LYST: variants seen among roughly 807,000 people sequenced by gnomAD.
LYST encodes lysosomal trafficking regulator, also known as lysosomal-trafficking regulator.
LYST carries 192 observed loss-of-function variants against 413.6 expected under a neutral mutation model. That is an observed-to-expected ratio of 0.46 (90% confidence interval 0.41 to 0.52). LYST has a LOEUF of 0.52. Among genes scored for constraint, LYST ranks in the 20% least tolerant of loss-of-function variants. The probability of loss-of-function intolerance (pLI) is 0.00; values close to 1 mark genes in which losing one functional copy is unlikely to be tolerated. For synonymous variants in LYST, 1,525 were observed against 1,567.3 expected, an observed-to-expected ratio of 0.97 and a Z score of 0.64; for missense variants, 3,815 against 4,499.9, an observed-to-expected ratio of 0.85 and a Z score of 4.35.
At chr1:235,836,992 G>A (rs1228996691) in intron 1 of LYST, among the ~76,000 whole-genome samples, 1 of 152,192 alleles carries the variant, frequency 6.6e-6, no homozygotes, top group African/African-American at 2.4e-5. Context: ...CTAGACAGAT[G>A]AAATAACCCA....
chr1:235,770,353 G>A, intron 19 of LYST, 56 bp from the exon 20 acceptor site: 1 of 1,527,190 alleles, frequency 6.5e-7, no homozygotes, highest in Non-Finnish European at 9.1e-7. Context: ...TATGCAGCAT[G>A]CTTTTTGGAA....
chr1:235,788,146 AT>A (rs1395875723), intron 13 of LYST, among the ~76,000 whole-genome samples: 2 of 151,822 alleles, frequency 1.3e-5, no homozygotes, highest in East Asian at 3.9e-4. Context: ...TTACTCATTT[AT>A]TTTTTGTTTT....
Position 235,716,770 on chromosome 1 carries a change from G to C in LYST, c.9569C>G (p.Ser3190Cys). 1 of 1,577,366 alleles carries C rather than the reference G, an allele frequency of 6.3e-7. No homozygotes were observed. Among genetic ancestry groups the C allele is most frequent in the Non-Finnish European group, 8.7e-7 (1 of 1,147,014 alleles). ...TTTATACTGAACAGCTATAGGTTTA[G>C]AGAGATTTCTGCAAGAAAAGGACAA... ...LNDLLIYRNL[S>C]KPIAVQYKEK... is the part of the protein sequence containing the mutation. Residue 3190 changes from serine (S) to cysteine (C), a missense_variant, in exon 41 of 53, where the codon TCT becomes TGT. Physicochemically the swap from Ser to Cys is moderately radical, Grantham distance 112 (BLOSUM62 -1). Around this residue, in one of 4 missense-constraint regions of LYST, gnomAD observed 866 missense variants for 1,156.0 expected, o/e 0.75. Transcript: ENST00000389793.
At position 235,781,043 on chromosome 1, in the gene LYST, C is replaced by T. The variant is rs748955859; in HGVS notation, c.5036G>A (p.Gly1679Asp). The change falls in exon 16 of 53, where the codon GGT becomes GAT. Residue 1679 changes from glycine to aspartate, a missense_variant. This residue lies in a region of LYST where 530 missense variants were observed against 696.5 expected (regional missense o/e 0.76). Transcript: ENST00000389793. ...ATACAGATAAAAGGCCTCTTGTGAA[C>T]CAACCTTAGCTCCTGAATAGCAGAA... ...NLLLFNGAKVGSQEAFYLYAC... is the reference protein window; with the variant it reads ...NLLLFNGAKVDSQEAFYLYAC... 6.2e-7 allele frequency: 1 copy of T among 1,607,884 alleles called. No individual in the cohort carries two copies. Among genetic ancestry groups the T allele is most frequent in the Admixed American group, 1.7e-5 (1 of 59,876 alleles).
At chr1:235,786,403 G>A (rs1670418697) in intron 14 of LYST, among the ~76,000 whole-genome samples, 1 of 152,140 alleles carries the variant, frequency 6.6e-6, no homozygotes, top group African/African-American at 2.4e-5. Flanking sequence ...CAAACAACAG[G>A]TGCTGGAGAG....
At chr1:235,875,276 G>A (rs1007060888) in intron 1 of LYST, among the ~76,000 whole-genome samples, 1 of 152,112 alleles carries the variant, frequency 6.6e-6, no homozygotes, top group Non-Finnish European at 1.5e-5. Context: ...CACTGTAGCT[G>A]CATAGATCAC....
rs186948157 is a variant in LYST at position 235,880,986 on chromosome 1, C to T, written n.454+2201G>A. 2.0e-4 allele frequency among the ~76,000 whole-genome samples: 30 copies of T among 152,106 alleles called. 1 individual carries two copies. Among genetic ancestry groups the T allele is most frequent in the Admixed American group, 1.9e-3 (29 of 15,256 alleles). ...ACAAAAAATAAAAAAATTAGCCGGGCGTGGTGGAGGGTGCATGTAATCCCA... is the reference window on the plus strand; with the variant it reads ...ACAAAAAATAAAAAAATTAGCCGGGTGTGGTGGAGGGTGCATGTAATCCCA... On this transcript the variant is annotated intron_variant and non_coding_transcript_variant, in intron 1 of 11. Coordinates refer to the LYST transcript ENST00000465349.
At position 235,788,367 on chromosome 1, in the gene LYST, T is replaced by G. The variant is rs1023559055; in HGVS notation, c.4688+334A>C. ...GTTTTTTTGTTTTTATTTTTATTTT[T>G]TGTAGAGATTGGGTTTCACTATGTT... On this transcript the variant is annotated intron_variant, in intron 13 of 52. Transcript: ENST00000389793. 1.2e-4 allele frequency among the ~76,000 whole-genome samples: 18 copies of G among 152,040 alleles called. No individual in the cohort carries two copies. The East Asian group carries it at 3.3e-3, about 28-fold the overall frequency.
At chr1:235,769,469 T>C (rs1490920719) in intron 20 of LYST, among the ~76,000 whole-genome samples, 1 of 152,060 alleles carries the variant, frequency 6.6e-6, no homozygotes, top group Admixed American at 6.6e-5. Flanking sequence ...GCAAAGGCGC[T>C]CAAAATATAA....
chr1:235,770,103 A>G, intron 20 of LYST, 57 bp downstream of exon 20: 1 of 1,549,620 alleles, frequency 6.5e-7, no homozygotes, highest in South Asian at 1.1e-5. Flanking sequence ...TGATGTTCAT[A>G]GTATTATTAA....
intron 19 of LYST, 123 bp from the exon 20 acceptor site, chr1:235,770,420 T>C (rs976262272): frequency 3.3e-6 from 3 of 917,382 alleles, no homozygotes; most frequent in Non-Finnish European, 5.3e-6. Flanking sequence ...AAAGATTACA[T>C]GTCTGCAAAA....
At chr1:235,696,467 G>A (rs1372794612) in intron 46 of LYST, among the ~76,000 whole-genome samples, 2 of 152,200 alleles carry the variant, frequency 1.3e-5, no homozygotes, top group Non-Finnish European at 2.9e-5. Flanking sequence ...TCCACAGTAA[G>A]TAGGAAGAGT....
At chr1:235,726,277 T>C (rs1367768673) in intron 38 of LYST, among the ~76,000 whole-genome samples, 1 of 152,132 alleles carries the variant, frequency 6.6e-6, no homozygotes, top group Non-Finnish European at 1.5e-5. Context: ...ATTCAGATTA[T>C]CCTACTCTAT....
intron 3 of LYST, among the ~76,000 whole-genome samples, chr1:235,820,244 G>A (rs1674601431): frequency 6.6e-6 from 1 of 152,246 alleles, no homozygotes; most frequent in African/African-American, 2.4e-5. Context: ...CCGGACTGAT[G>A]TCTAGGAAGC....
intron 3 of LYST, among the ~76,000 whole-genome samples, chr1:235,815,964 T>C (rs1271912142): frequency 4.0e-5 from 6 of 150,480 alleles, no homozygotes; most frequent in Non-Finnish European, 8.9e-5. Flanking sequence ...ACCCCATCTC[T>C]ACTAAAAATA....
chr1:235,673,195 A>G (rs1659092473), intron 50 of LYST, among the ~76,000 whole-genome samples: 1 of 152,170 alleles, frequency 6.6e-6, no homozygotes, highest in East Asian at 1.9e-4. Context: ...GCAATGTTAA[A>G]AAGAAAAGTC....
intron 1 of LYST, among the ~76,000 whole-genome samples, chr1:235,862,491 G>T (rs1451178421): frequency 2.6e-5 from 4 of 152,114 alleles, no homozygotes; most frequent in African/African-American, 9.7e-5. Flanking sequence ...TTCCACTGGG[G>T]ATCTTAGAAC....
At chr1:235,870,194 CA>C (rs1247651810), upstream of LYST, among the ~76,000 whole-genome samples, 3 of 152,124 alleles carry the variant, frequency 2.0e-5, no homozygotes, top group Non-Finnish European at 2.9e-5. Flanking sequence ...TGAGAGTTGA[CA>C]CAGTTGTTAA....
At chr1:235,828,839 A>C (rs1675621821) in intron 3 of LYST, 1 of 749,498 alleles carries the variant, frequency 1.3e-6, no homozygotes, top group African/African-American at 1.9e-5. Flanking sequence ...ATTTACAGAA[A>C]AGTCATACAA....
Sources: allele counts gnomAD v4.1 joint callset (sites outside exome capture counted in the v4.1 genomes callset), GRCh38; gene constraint gnomAD v4.1.1; regional missense constraint gnomAD v4.1.1; transcripts MANE v1.5; gene names NCBI Gene and HGNC (gene_info 2026-07-23, HGNC 2026-07-21).